COL21A1: variants seen among roughly 807,000 people sequenced by gnomAD.
The protein encoded by COL21A1 is collagen type XXI alpha 1 chain.
COL21A1 carries 149 observed loss-of-function variants against 137.9 expected under a neutral mutation model. The observed-to-expected ratio is 1.08, with a 90% confidence interval of 0.95 to 1.24. COL21A1 has a LOEUF of 1.24. Ranked by LOEUF, COL21A1 falls within the 50% of genes most tolerant of loss-of-function variation. The pLI is 0.00. For synonymous variants in COL21A1, 456 were observed against 391.5 expected, an observed-to-expected ratio of 1.16 and a Z score of -1.95; for missense variants, 1,167 against 1,158.4, an observed-to-expected ratio of 1.01 and a Z score of -0.11.
rs756237287 is a variant in COL21A1, at chr6:56,141,832, G to C, written c.1495C>G (p.Arg499Gly). ...VPGSPGIQGA[R>G]GLPGYKGEPG... ...TCTCCTTTGTAACCTGGTAGTCCTC[G>C]AGCTCCCTAAATTAACCAGAAAATA... is the stretch of plus-strand genomic sequence containing the variant. The change falls in exon 12 of 30, where the codon CGA becomes GGA. Residue 499 changes from arginine to glycine, a missense_variant. Transcript: ENST00000244728. 9 of 1,613,476 alleles carry C rather than the reference G, an allele frequency of 5.6e-6. No homozygotes were observed. Among genetic ancestry groups the C allele is most frequent in the Non-Finnish European group, 7.6e-6 (9 of 1,179,668 alleles).
chr6:56,291,562 C>T (rs1002430355), intron 1 of COL21A1, among the ~76,000 whole-genome samples: 4 of 152,196 alleles, frequency 2.6e-5, no homozygotes, highest in East Asian at 1.9e-4. Context: ...AGCCAAAATG[C>T]GGGTCGCAGA....
intron 9 of COL21A1, 117 bp from the exon 10 acceptor site, chr6:56,157,066 C>T: frequency 2.7e-6 from 1 of 373,290 alleles, no homozygotes; most frequent in Non-Finnish European, 4.4e-6. Flanking sequence ...ATGTTAAAAA[C>T]AAAAGTAAAA....
rs369301267 is a variant in COL21A1 at position 56,161,215 on chromosome 6, C to T, written c.1371+3208G>A. On this transcript the variant is annotated intron_variant, in intron 9 of 29. Transcript: ENST00000244728. ...ATATGGCTATAGTAAAATGGTATCT[C>T]AGAGCAAAGAAGTTATTAAAAAATT... is the stretch of plus-strand genomic sequence containing the variant. 9.2e-5 allele frequency among the ~76,000 whole-genome samples: 14 copies of T among 152,286 alleles called. 1 individual carries two copies. The South Asian group carries it at 2.7e-3, about 29-fold the overall frequency.
chr6:56,249,222 T>C (rs1454068333), upstream of COL21A1, among the ~76,000 whole-genome samples: 1 of 152,114 alleles, frequency 6.6e-6, no homozygotes, highest in East Asian at 1.9e-4. Context: ...ACAATAAGTG[T>C]TAGGGAGGAT....
rs752388409 is a variant in COL21A1 at position 56,179,687 on chromosome 6, G to A, written c.531C>T (p.Ala177=). The change falls in exon 3 of 30, where the codon GCC becomes GCT. Residue 177 remains alanine, a synonymous_variant. Coordinates refer to ENST00000244728, the MANE Select transcript of COL21A1 (RefSeq NM_030820.4). ...GCTTGTTGGCAATAGCTCTAAGTTC[G>A]GCATCTTCTGTTTCTGAACCAACAC... ...AIGVGSETED[A]ELRAIANKPS... is the part of the protein sequence containing the mutation. 3.3e-5 allele frequency: 54 copies of A among 1,613,588 alleles called. No individual in the cohort carries two copies. The highest frequency in any genetic ancestry group is 3.3e-4 in the Admixed American group (20 of 59,970).
intron 10 of COL21A1, among the ~76,000 whole-genome samples, chr6:56,154,851 T>TA (rs1451287457): frequency 6.6e-6 from 1 of 152,174 alleles, no homozygotes; most frequent in African/African-American, 2.4e-5. Flanking sequence ...TCCAGGTGGC[T>TA]ACCACTTTTG....
At chr6:56,358,350 C>T (rs574072906) in intron 1 of COL21A1, among the ~76,000 whole-genome samples, 1 of 151,754 alleles carries the variant, frequency 6.6e-6, no homozygotes, top group Non-Finnish European at 1.5e-5. Context: ...AAAAAAAAAA[C>T]CCCAAACCAA....
chr6:56,252,985 C>A (rs569862973), intron 1 of COL21A1, among the ~76,000 whole-genome samples: 2 of 152,178 alleles, frequency 1.3e-5, no homozygotes, highest in South Asian at 4.1e-4. Context: ...GCCTAATACA[C>A]AATAGCTGTA....
chr6:56,075,666 C>T (rs900503209), intron 18 of COL21A1, 134 bp from the exon 19 acceptor site: 2 of 625,472 alleles, frequency 3.2e-6, no homozygotes, highest in South Asian at 2.5e-5. Flanking sequence ...TCTTCCACTA[C>T]AGTAAGGAAG....
chr6:56,096,670 A>G (rs1351228287), intron 17 of COL21A1, among the ~76,000 whole-genome samples: 1 of 152,160 alleles, frequency 6.6e-6, no homozygotes, highest in African/African-American at 2.4e-5. Flanking sequence ...TAGTGTTCAT[A>G]TGTATCAATC....
intron 12 of COL21A1, among the ~76,000 whole-genome samples, chr6:56,129,392 CAG>C (rs908736088): frequency 6.6e-6 from 1 of 152,054 alleles, no homozygotes; most frequent in Non-Finnish European, 1.5e-5. Context: ...CAGCAACACT[CAG>C]AGAGACTAGA....
intron 1 of COL21A1, among the ~76,000 whole-genome samples, chr6:56,237,573 T>C (rs771225368): frequency 6.6e-5 from 10 of 152,130 alleles, no homozygotes; most frequent in Non-Finnish European, 1.3e-4. Context: ...AAAGGAGATT[T>C]GGAACTCAAC....
chr6:56,228,066 G>T (rs1403031046), intron 1 of COL21A1, among the ~76,000 whole-genome samples: 1 of 151,942 alleles, frequency 6.6e-6, no homozygotes, highest in Non-Finnish European at 1.5e-5. Flanking sequence ...GTGGGAAAGG[G>T]GTGAGGGGTG....
intron 24 of COL21A1, among the ~76,000 whole-genome samples, chr6:56,062,590 C>A (rs1163396003): frequency 2.0e-5 from 3 of 152,090 alleles, no homozygotes; most frequent in Non-Finnish European, 2.9e-5. Flanking sequence ...TAATGTTGCA[C>A]ACAATGAAGT....
chr6:56,211,431 C>T (rs1205612251), intron 1 of COL21A1, among the ~76,000 whole-genome samples: 1 of 151,856 alleles, frequency 6.6e-6, no homozygotes, highest in Non-Finnish European at 1.5e-5. Flanking sequence ...GTTGGAGTTA[C>T]TAAAAAATAT....
intron 2 of COL21A1, among the ~76,000 whole-genome samples, chr6:56,181,799 GC>G (rs1404297350): frequency 1.3e-5 from 2 of 152,082 alleles, no homozygotes; most frequent in African/African-American, 2.4e-5. Context: ...TGCTAGGTAA[GC>G]CCCTTAACTT....
intron 1 of COL21A1, among the ~76,000 whole-genome samples, chr6:56,216,284 A>G (rs1396373562): frequency 6.6e-6 from 1 of 152,000 alleles, no homozygotes; most frequent in South Asian, 2.1e-4. Context: ...GATACATCCA[A>G]CCCTACAGAG....
intron 1 of COL21A1, among the ~76,000 whole-genome samples, chr6:56,187,672 A>T (rs571881816): frequency 6.6e-6 from 1 of 152,350 alleles, no homozygotes; most frequent in East Asian, 1.9e-4. Context: ...CATTTCACAT[A>T]AGAAAATTAA....
At chr6:56,186,561 C>A (rs992754209) in intron 1 of COL21A1, among the ~76,000 whole-genome samples, 2 of 152,072 alleles carry the variant, frequency 1.3e-5, no homozygotes, top group African/African-American at 4.8e-5. Flanking sequence ...AAAAATAAAA[C>A]CATCATTTTT....
Sources: allele counts gnomAD v4.1 joint callset (sites outside exome capture counted in the v4.1 genomes callset), GRCh38; gene constraint gnomAD v4.1.1; transcripts MANE v1.5; gene names NCBI Gene and HGNC (gene_info 2026-07-23, HGNC 2026-07-21).